Variants in RGSL1 observed in about 807,000 individuals in gnomAD.
RGSL1 encodes the protein regulator of G protein signaling protein-like.
Under a neutral mutation model 124.7 loss-of-function variants are expected in RGSL1, and 97 were observed. That is an observed-to-expected ratio of 0.78 (90% confidence interval 0.66 to 0.92). The LOEUF (loss-of-function observed/expected upper bound fraction) is 0.92. Ranked by LOEUF, RGSL1 falls within the 40% of genes least tolerant of loss-of-function variation. The pLI is 0.00. For missense variants in RGSL1, 1,233 were observed against 1,288.4 expected (o/e 0.96, Z 0.66); for synonymous variants, 424 against 438.1 (o/e 0.97, Z 0.40).
At chr1:182,471,436 T>A in intron 4 of RGSL1, 1 of 453,366 alleles carries the variant, frequency 2.2e-6, no homozygotes, top group Non-Finnish European at 4.5e-6. Flanking sequence ...CTAATGGTTT[T>A]CAGATTGCCC....
At chr1:182,553,373 A>G (rs1175418987) in intron 18 of RGSL1, 82 bp from the exon 19 acceptor site, 1 of 993,690 alleles carries the variant, frequency 1.0e-6, no homozygotes. Flanking sequence ...GTTAAACAAG[A>G]GCTTTATTGC....
intron 6 of RGSL1, among the ~76,000 whole-genome samples, chr1:182,475,695 CCATCTCCTGCCAGGACACCT>C (rs149446455): frequency 0.061 from 9,297 of 152,088 alleles, 403 homozygotes; most frequent in South Asian, 0.18. Context: ...TCCTGATTTC[CCATCTCCTGCCAGGACACCT>C]CATCTGATAA....
At chr1:182,530,731 G>C in intron 12 of RGSL1, 59 bp from the exon 13 acceptor site, 1 of 1,467,370 alleles carries the variant, frequency 6.8e-7, no homozygotes, top group Non-Finnish European at 9.0e-7. Context: ...TGCCTGGACT[G>C]TCATCTTTTA....
chr1:182,454,099 C>A, intron 2 of RGSL1, 59 bp downstream of exon 2: 1 of 995,858 alleles, frequency 1.0e-6, no homozygotes, highest in Non-Finnish European at 1.6e-6. Flanking sequence ...GTGAATCTCA[C>A]AGAGCTGAGT....
intron 6 of RGSL1, among the ~76,000 whole-genome samples, chr1:182,483,915 G>A (rs1654897471): frequency 6.6e-6 from 1 of 152,092 alleles, no homozygotes; most frequent in African/African-American, 2.4e-5. Context: ...GGGGAAGAAG[G>A]GGTACTCTGG....
chr1:182,542,906 T>C, intron 15 of RGSL1, among the ~76,000 whole-genome samples: 1 of 152,170 alleles, frequency 6.6e-6, no homozygotes, highest in East Asian at 1.9e-4. Context: ...GTTGATTTTT[T>C]ATTCTGCAAC....
Position 182,450,172 on chromosome 1 carries a change from A to T in RGSL1, c.7A>T (p.Ser3Cys). MS[S>C]AEIIGSTNLI... ...TCAGGAAGAGCATGGCAACATGAGC[A>T]GTGCTGGTGAGTCTCTGCCAGGGAT... Residue 3 changes from serine (S) to cysteine (C), a missense_variant, in exon 1 of 22, where the codon AGT (serine) becomes TGT (cysteine). Physicochemically the swap from Ser to Cys is moderately radical, Grantham distance 112. Transcript: ENST00000294854. 6.4e-7 allele frequency: 1 copy of T among 1,552,150 alleles called. No homozygotes were observed. Among genetic ancestry groups the T allele is most frequent in the Non-Finnish European group, 8.7e-7 (1 of 1,147,070 alleles).
intron 6 of RGSL1, among the ~76,000 whole-genome samples, chr1:182,482,901 A>C (rs1001719351): frequency 2.4e-4 from 37 of 152,230 alleles, no homozygotes; most frequent in Admixed American, 1.2e-3. Flanking sequence ...TGGATAAAGA[A>C]AATGTGGTGT....
chr1:182,539,525 A>G (rs2102295981), intron 14 of RGSL1, among the ~76,000 whole-genome samples: 1 of 152,280 alleles, frequency 6.6e-6, no homozygotes, highest in South Asian at 2.1e-4. Context: ...CTCCAGAATA[A>G]AGGATTTGCA....
At chr1:182,496,228 C>A (rs902084161) in intron 9 of RGSL1, among the ~76,000 whole-genome samples, 1 of 152,070 alleles carries the variant, frequency 6.6e-6, no homozygotes, top group African/African-American at 2.4e-5. Flanking sequence ...CATGAGAACT[C>A]ACTCATGATG....
At chr1:182,497,871 T>C (rs987345349) in intron 9 of RGSL1, among the ~76,000 whole-genome samples, 2 of 152,206 alleles carry the variant, frequency 1.3e-5, no homozygotes, top group Non-Finnish European at 2.9e-5. Context: ...GATTTTGCTT[T>C]GTTCCATTAC....
chr1:182,474,050 T>A lies in RGSL1; in HGVS notation c.939T>A (p.His313Gln), dbSNP rs1654076821. 6.4e-7 allele frequency: 1 copy of A among 1,551,766 alleles called. No homozygotes were observed. The highest frequency in any genetic ancestry group is 1.4e-5 in the African/African-American group (1 of 73,176). The change falls in exon 6 of 22, where the codon CAT becomes CAA. Residue 313 changes from histidine (H) to glutamine (Q), a missense_variant. His to Gln is a conservative substitution (Grantham distance 24, BLOSUM62 0). Transcript: ENST00000294854. Reference sequence around the variant, plus strand: ...TCAGTTCCCTGGAAAAGGATATGCATTATGCAAAAATATCCAGCATGGAGA... The same window carrying A: ...TCAGTTCCCTGGAAAAGGATATGCAATATGCAAAAATATCCAGCATGGAGA... ...TRISSLEKDM[H>Q]YAKISSMENK...
intron 9 of RGSL1, among the ~76,000 whole-genome samples, chr1:182,509,737 C>G (rs1424250681): frequency 7.1e-6 from 1 of 140,106 alleles, no homozygotes; most frequent in Admixed American, 6.8e-5. Flanking sequence ...CACCTCCCTC[C>G]CGGATGGCAC....
chr1:182,513,458 G>A (rs1019575409), intron 9 of RGSL1, among the ~76,000 whole-genome samples: 7 of 152,210 alleles, frequency 4.6e-5, no homozygotes, highest in South Asian at 2.1e-4. Flanking sequence ...ACAGAAATAA[G>A]AAGTGAAATA....
Position 182,532,810 on chromosome 1 carries a change from T to C in RGSL1, c.2494+19T>C. 1 of 1,545,398 alleles carries C rather than the reference T, an allele frequency of 6.5e-7. No individual in the cohort carries two copies. Among genetic ancestry groups the C allele is most frequent in the Non-Finnish European group, 8.8e-7 (1 of 1,142,706 alleles). ...AAGGAAAGTAAGTCATTTCTGTATTTACCCCCACTCCCTGTTGATATTTTA... is the reference window on the plus strand; with the variant it reads ...AAGGAAAGTAAGTCATTTCTGTATTCACCCCCACTCCCTGTTGATATTTTA... On this transcript the variant is annotated intron_variant, in intron 14 of 21. Coordinates refer to ENST00000294854, the MANE Select transcript of RGSL1 (RefSeq NM_001137669.2).
At chr1:182,464,061 A>G (rs1653072160) in intron 4 of RGSL1, among the ~76,000 whole-genome samples, 1 of 152,236 alleles carries the variant, frequency 6.6e-6, no homozygotes, top group Non-Finnish European at 1.5e-5. Context: ...GTTAAAGTAG[A>G]AAATTCACAA....
At chr1:182,486,918 G>A (rs1382475071) in intron 6 of RGSL1, among the ~76,000 whole-genome samples, 11 of 151,980 alleles carry the variant, frequency 7.2e-5, no homozygotes, top group Admixed American at 7.2e-4. Flanking sequence ...CAGGTGATCC[G>A]CCTGCCTTGG....
At chr1:182,496,388 T>A (rs562474979) in intron 9 of RGSL1, among the ~76,000 whole-genome samples, 121 of 152,268 alleles carry the variant, frequency 7.9e-4, no homozygotes, top group Admixed American at 4.0e-3. Flanking sequence ...CCATATCGGA[T>A]GGGTAGGTCT....
At chr1:182,472,373 T>C in intron 4 of RGSL1, 23 bp from the exon 5 acceptor site, 2 of 1,539,836 alleles carry the variant, frequency 1.3e-6, no homozygotes, top group Non-Finnish European at 1.8e-6. Flanking sequence ...TATAGCTCTG[T>C]GCCTCTTCTG....
Sources: allele counts gnomAD v4.1 joint callset (sites outside exome capture counted in the v4.1 genomes callset), GRCh38; gene constraint gnomAD v4.1.1; transcripts MANE v1.5; gene names NCBI Gene and HGNC (gene_info 2026-07-23, HGNC 2026-07-21).